SH2B1: variants seen among roughly 807,000 people sequenced by gnomAD.
SH2B1 encodes the protein SH2B adapter protein 1.
In SH2B1, 15 loss-of-function variants were observed where a neutral mutation model predicts 62.6. The ratio of observed to expected loss-of-function variants is 0.24; its 90% CI spans 0.16 to 0.37. The LOEUF (loss-of-function observed/expected upper bound fraction) is 0.37, where lower values mean the gene tolerates loss of function less well. SH2B1 is among the 10% of genes least tolerant of loss of function. The pLI is 1.00. For synonymous variants in SH2B1, 443 were observed against 438.0 expected (o/e 1.01, Z -0.14); for missense variants, 925 against 1,015.6 (o/e 0.91, Z 1.21).
chr16:28,854,989 C>G (rs1331285970), intron 1 of SH2B1, among the ~76,000 whole-genome samples: 1 of 151,840 alleles, frequency 6.6e-6, no homozygotes, highest in Non-Finnish European at 1.5e-5. Flanking sequence ...GATTCTCCTG[C>G]CTCAGCCTCC....
rs545313465 is a variant in SH2B1, at chr16:28,871,559, C to T, written c.1310-221C>T. On this transcript the variant is annotated intron_variant, in intron 4 of 7. Coordinates refer to ENST00000684370, the MANE Select transcript of SH2B1 (RefSeq NM_001387430.1). ...AGAAAAAGATGGAGACACATTGGGA[C>T]TTTAGAACCTCCTTGCAATAACTCT... 2.6e-5 allele frequency among the ~76,000 whole-genome samples: 4 copies of T among 152,354 alleles called. No homozygotes were observed. The East Asian group carries it at 7.7e-4, about 29-fold the overall frequency.
intron 1 of SH2B1, among the ~76,000 whole-genome samples, chr16:28,856,272 CA>C (rs56248422): frequency 0.36 from 34,854 of 97,180 alleles, 5,326 homozygotes; most frequent in Admixed American, 0.47. Context: ...GACTCCATCT[CA>C]AAAAAAAAAA....
At position 28,866,001 on chromosome 16, in the gene SH2B1, T is replaced by C; in HGVS notation, c.-94T>C. 1 of 1,499,156 alleles carries C rather than the reference T, an allele frequency of 6.7e-7. No individual in the cohort carries two copies. Among genetic ancestry groups the C allele is most frequent in the Non-Finnish European group, 8.8e-7 (1 of 1,133,398 alleles). 92.9% of individuals were successfully genotyped at this position (1,499,156 alleles called of 1,614,324 possible). On this transcript the variant is annotated 5_prime_UTR_variant, in exon 1 of 8. Coordinates refer to ENST00000684370, the MANE Select transcript of SH2B1 (RefSeq NM_001387430.1). This position sits in a 1 kb window ranked among gnomAD's most constrained non-coding sequence, Gnocchi z 6.3. ...GTGACCCTCGTGTGTGCCTCTCTCT[T>C]CCTTTCGCAGCTGCTGCCGCCCACC...
intron 1 of SH2B1, among the ~76,000 whole-genome samples, chr16:28,854,613 G>T (rs1962280357): frequency 6.6e-6 from 1 of 152,056 alleles, no homozygotes; most frequent in Non-Finnish European, 1.5e-5. Flanking sequence ...AAAATTAGCT[G>T]GGCATGGTAG....
rs573679005 is a variant in SH2B1, at chr16:28,848,524, T to C, written c.-301+1697T>C. The stretch of plus-strand genomic sequence containing the variant: ...GCTTTATGATGTTCAGGCATTCCTA[T>C]TGTTTCACAATCAGCGCTCCCAGTG... On this transcript the variant is annotated intron_variant, in intron 1 of 10. Coordinates refer to the SH2B1 transcript ENST00000322610. 7.2e-5 allele frequency among the ~76,000 whole-genome samples: 11 copies of C among 152,234 alleles called. 1 individual carries two copies. In the South Asian group the frequency reaches 1.9e-3, roughly 26 times the overall value.
chr16:28,868,745 C>T (rs549106786), intron 2 of SH2B1, among the ~76,000 whole-genome samples: 63 of 152,008 alleles, frequency 4.1e-4, no homozygotes, highest in Admixed American at 9.2e-4. Flanking sequence ...TGTGAGCCAT[C>T]GTACCCGGCC....
At position 28,852,553 on chromosome 16, in the gene SH2B1, CAT is replaced by C. The variant is rs1164278974; in HGVS notation, c.-301+5729_-301+5730del. ...ATACACATATATTTATATATATACA[CAT>C]ATTTATATATATACACATATATATT... On this transcript the variant is annotated intron_variant, in intron 1 of 10. Transcript: ENST00000322610. 3.1e-4 allele frequency among the ~76,000 whole-genome samples: 3 copies of C among 9,582 alleles called. 1 individual carries two copies. The highest frequency in any genetic ancestry group is 4.2e-3 in the Admixed American group (2 of 474). 6.3% of individuals were successfully genotyped at this position (9,582 alleles called of 152,430 possible).
intron 1 of SH2B1, among the ~76,000 whole-genome samples, chr16:28,847,766 G>A (rs1218001665): frequency 6.6e-6 from 1 of 150,848 alleles, no homozygotes; most frequent in East Asian, 2.0e-4. Flanking sequence ...CTGTGGTGAG[G>A]TATGATCATG....
chr16:28,860,532 C>T (rs11859512), upstream of SH2B1, among the ~76,000 whole-genome samples: 51,540 of 151,554 alleles, frequency 0.34, 9,354 homozygotes, highest in Admixed American at 0.4. Flanking sequence ...CGGGAGCCAC[C>T]GTGCCCAGCC....
chr16:28,852,758 G>GTATATATATT (rs1962182690), intron 1 of SH2B1, among the ~76,000 whole-genome samples: 1 of 38,114 alleles, frequency 2.6e-5, no homozygotes, highest in African/African-American at 1.0e-4. Flanking sequence ...ACATATATAT[G>GTATATATATT]TATATATATA....
chr16:28,865,702 G>T lies in SH2B1; in HGVS notation c.-393G>T, dbSNP rs1962647427. The T allele has an allele frequency of 2.0e-6, 2 of 1,016,600 alleles. No individual in the cohort carries two copies. The highest frequency in any genetic ancestry group is 2.3e-6 in the Non-Finnish European group (2 of 851,268). The allele number at this position is 1,016,600 out of a possible 1,614,324, so 63.0% of individuals were successfully genotyped here. A position where few individuals can be genotyped will look rare whatever the true frequency, so the allele number is the denominator to read the frequency against. On this transcript the variant is annotated 5_prime_UTR_variant, in exon 1 of 8. Transcript: ENST00000684370. Reference sequence around the variant, plus strand: ...AATATTGGAGGATCCGATGTAGAGGGGGGGTGATCTGGAAAAGTTCCCTTT... The same window carrying T: ...AATATTGGAGGATCCGATGTAGAGGTGGGGTGATCTGGAAAAGTTCCCTTT...
chr16:28,865,465 C>G lies in SH2B1; in HGVS notation c.-630C>G, dbSNP rs1165302034. 1.0e-6 allele frequency: 1 copy of G among 985,584 alleles called. No individual in the cohort carries two copies. The highest frequency in any genetic ancestry group is 4.7e-5 in the South Asian group (1 of 21,286). The allele number at this position is 985,584 out of a possible 1,614,324, so 61.1% of individuals were successfully genotyped here. ...ATCCCAGCTCCTCTCTAGCCCCCTG[C>G]GAGCTGGGGCGGTGAGGTGCTATGG... is the stretch of plus-strand genomic sequence containing the variant. On this transcript the variant is annotated 5_prime_UTR_variant, in exon 1 of 8. Coordinates refer to ENST00000684370, the MANE Select transcript of SH2B1 (RefSeq NM_001387430.1).
In SH2B1 at chr16:28,855,651, T is replaced by TTTATTTATTTATTTA. The variant is rs1197951596; in HGVS notation, c.-300-5965_-300-5964insATTTATTTATTTATT. 7.6e-3 allele frequency among the ~76,000 whole-genome samples: 818 copies of TTTATTTATTTATTTA among 107,120 alleles called. 11 individuals carry two copies. The highest frequency in any genetic ancestry group is 0.024 in the African/African-American group (770 of 31,502). The allele number at this position is 107,120 out of a possible 152,430, so 70.3% of individuals were successfully genotyped here. ...AACTTATTTATTTATTTATTTATTT[T>TTTATTTATTTATTTA]TTTTTTGAGACAGAGTCTTGTTCTG... On this transcript the variant is annotated intron_variant, in intron 1 of 10. Transcript: ENST00000322610.
rs1252082359 is a variant in SH2B1, at chr16:28,873,047, C to G, written c.1897+342C>G. The G allele has an allele frequency of 1.4e-6, 1 of 732,988 alleles. No homozygotes were observed. Among genetic ancestry groups the G allele is most frequent in the African/African-American group, 1.8e-5 (1 of 56,268 alleles). The allele number at this position is 732,988 out of a possible 1,614,324, so 45.4% of individuals were successfully genotyped here. ...CGTCGCAGCCTGGCCTTGGGCCTGC[C>G]CTTCCCGGGGACACTCGGTCTGATC... On this transcript the variant is annotated intron_variant, in intron 7 of 7. Coordinates refer to ENST00000684370, the MANE Select transcript of SH2B1 (RefSeq NM_001387430.1). This position sits in a 1 kb window ranked among gnomAD's most constrained non-coding sequence, Gnocchi z 4.2.
At chr16:28,862,333 T>G (rs1429622512), upstream of SH2B1, 1 of 152,186 alleles carries the variant, frequency 6.6e-6, no homozygotes, top group East Asian at 1.9e-4. Context: ...CTCGCTCTTT[T>G]GCCCAGGCTG....
Position 28,852,331 on chromosome 16 carries a change from CATATATATTTACATATATATTTAT to C in SH2B1, c.-301+5516_-301+5539del, listed in dbSNP as rs1239612541. On this transcript the variant is annotated intron_variant, in intron 1 of 10. Coordinates refer to the SH2B1 transcript ENST00000322610. The stretch of plus-strand genomic sequence containing the variant: ...ATATATATTTACATATATATATTTA[CATATATATTTACATATATATTTAT>C]ATATATATTTATATATATTTACATA... 1.5e-4 allele frequency among the ~76,000 whole-genome samples: 7 copies of C among 46,216 alleles called. 1 individual carries two copies. The highest frequency in any genetic ancestry group is 2.2e-4 in the Non-Finnish European group (6 of 27,048). The allele number at this position is 46,216 out of a possible 152,430, so 30.3% of individuals were successfully genotyped here. A position where few individuals can be genotyped will look rare whatever the true frequency, so the allele number is the denominator to read the frequency against.
chr16:28,864,642 T>C lies in SH2B1; in HGVS notation c.-1453T>C, dbSNP rs1287742867. On this transcript the variant is annotated 5_prime_UTR_variant, in exon 1 of 8. Transcript: ENST00000684370. The stretch of plus-strand genomic sequence containing the variant: ...AGGGTTTGGGGAGGCTTTCCTGAGC[T>C]GCTCTGGCCCCAGTCCTGGGGCTGT... 7.1e-6 allele frequency: 7 copies of C among 985,346 alleles called. No homozygotes were observed. Among genetic ancestry groups the C allele is most frequent in the Non-Finnish European group, 8.4e-6 (7 of 829,976 alleles). 61.0% of individuals were successfully genotyped at this position (985,346 alleles called of 1,614,324 possible).
Position 28,865,016 on chromosome 16 carries a change from T to A in SH2B1, c.-1079T>A. 1 of 845,396 alleles carries A rather than the reference T, an allele frequency of 1.2e-6. No individual in the cohort carries two copies. The highest frequency in any genetic ancestry group is 1.4e-6 in the Non-Finnish European group (1 of 702,254). The allele number at this position is 845,396 out of a possible 1,614,324, so 52.4% of individuals were successfully genotyped here. ...AAGATAACATCGCTCATAAGGTGGC[T>A]GGACTGGGTGCTCATAAGGTGGTTT... On this transcript the variant is annotated 5_prime_UTR_variant, in exon 1 of 8. Coordinates refer to ENST00000684370, the MANE Select transcript of SH2B1 (RefSeq NM_001387430.1).
intron 1 of SH2B1, among the ~76,000 whole-genome samples, chr16:28,852,385 T>TAC (rs376953024): frequency 2.1e-5 from 1 of 46,878 alleles, no homozygotes; most frequent in Non-Finnish European, 3.6e-5. Flanking sequence ...TACATATATT[T>TAC]ATATATATAC....
Sources: gnomAD v4.1 joint callset for allele counts (sites outside exome capture counted in the v4.1 genomes callset) on GRCh38, gnomAD v4.1.1 for gene constraint, Gnocchi (gnomAD v3.1) non-coding constraint, MANE v1.5 for transcripts, NCBI Gene and HGNC (gene_info 2026-07-23, HGNC 2026-07-21) for gene names.